Variants in HYDIN observed in about 807,000 individuals in gnomAD.
HYDIN encodes axonemal central pair apparatus protein HYDIN.
Under a neutral mutation model 403.9 loss-of-function variants are expected in HYDIN, and 132 were observed. The ratio of observed to expected loss-of-function variants is 0.33; its 90% CI spans 0.28 to 0.38. HYDIN has a LOEUF of 0.38. Among genes scored for constraint, HYDIN ranks in the 10% least tolerant of loss-of-function variants. The probability of loss-of-function intolerance (pLI) is 1.00; values close to 1 mark genes in which losing one functional copy is unlikely to be tolerated. For synonymous variants in HYDIN, 1,202 were observed against 1,891.7 expected (o/e 0.64, Z 9.46); for missense variants, 2,827 against 5,009.5 (o/e 0.56, Z 13.15).
In HYDIN at chr16:70,805,975, C is replaced by T. The variant is rs1164909864; in HGVS notation, c.*1605G>A. Among the ~76,000 whole-genome samples the T allele has an allele frequency of 6.6e-6, 1 of 152,200 alleles. No homozygotes were observed. The highest frequency in any genetic ancestry group is 1.5e-5 in the Non-Finnish European group (1 of 68,024). ...CTGCTCAGGATGTGAATCATCCCCT[C>T]GTCTAGCGTATGCATGCTGTAGACA... On this transcript the variant is annotated 3_prime_UTR_variant, in exon 86 of 86. Transcript: ENST00000393567.
chr16:70,944,432 T>C (rs2077785636), intron 41 of HYDIN, among the ~76,000 whole-genome samples: 2 of 152,166 alleles, frequency 1.3e-5, no homozygotes, highest in South Asian at 2.1e-4. Flanking sequence ...GGGGAAAGAC[T>C]ATGTAGAGAG....
chr16:71,000,130 G>C (rs944900426), intron 23 of HYDIN, among the ~76,000 whole-genome samples: 4 of 151,824 alleles, frequency 2.6e-5, no homozygotes, highest in African/African-American at 9.7e-5. Flanking sequence ...ATATGAACAT[G>C]TAGACCAACC....
intron 1 of HYDIN, among the ~76,000 whole-genome samples, chr16:71,221,264 A>G (rs565233837): frequency 4.6e-5 from 7 of 152,242 alleles, no homozygotes; most frequent in Non-Finnish European, 1.0e-4. Context: ...TAAAGAAAAA[A>G]AAAAAAACCC....
At chr16:71,112,917 A>G (rs1478519096) in intron 10 of HYDIN, among the ~76,000 whole-genome samples, 2 of 152,146 alleles carry the variant, frequency 1.3e-5, no homozygotes, top group Non-Finnish European at 2.9e-5. Context: ...AATAAACCTC[A>G]TAAGATAAAA....
At chr16:71,177,781 A>G (rs902399565) in intron 4 of HYDIN, among the ~76,000 whole-genome samples, 17 of 152,174 alleles carry the variant, frequency 1.1e-4, no homozygotes, top group Non-Finnish European at 1.2e-4. Flanking sequence ...TACTTTTCAC[A>G]CTCAAGTATG....
intron 45 of HYDIN, among the ~76,000 whole-genome samples, chr16:70,923,750 G>A (rs1383498260): frequency 2.7e-5 from 4 of 149,844 alleles, no homozygotes; most frequent in Non-Finnish European, 4.4e-5. Context: ...GAACCAGGGA[G>A]GCAGAGCTTG....
At chr16:71,055,015 G>A (rs1347443870) in intron 18 of HYDIN, among the ~76,000 whole-genome samples, 1 of 152,294 alleles carries the variant, frequency 6.6e-6, no homozygotes, top group Non-Finnish European at 1.5e-5. Flanking sequence ...GTCATTTTCT[G>A]TACTTCAGAA....
At chr16:71,225,447 C>T (rs1315393486) in intron 1 of HYDIN, among the ~76,000 whole-genome samples, 2 of 152,228 alleles carry the variant, frequency 1.3e-5, no homozygotes, top group Non-Finnish European at 2.9e-5. Context: ...TTGAGGACTG[C>T]TGCAGCACTC....
chr16:70,965,202 C>T (rs567112095), intron 36 of HYDIN, among the ~76,000 whole-genome samples: 1 of 152,180 alleles, frequency 6.6e-6, no homozygotes, highest in Non-Finnish European at 1.5e-5. Flanking sequence ...TTCCCCATGA[C>T]AAAATTTCAG....
intron 18 of HYDIN, among the ~76,000 whole-genome samples, chr16:71,050,119 G>A (rs936345102): frequency 6.9e-6 from 1 of 144,838 alleles, no homozygotes; most frequent in Non-Finnish European, 1.5e-5. Flanking sequence ...AGAGATAATG[G>A]CTGAGACATT....
chr16:71,193,478 G>T lies in HYDIN; in HGVS notation c.-23-6560C>A, dbSNP rs553440671. Among the ~76,000 whole-genome samples, 3 of 152,214 alleles carry T rather than the reference G, an allele frequency of 2.0e-5. No homozygotes were observed. The South Asian group carries it at 6.2e-4, about 32-fold the overall frequency. On this transcript the variant is annotated intron_variant, in intron 1 of 85. Transcript: ENST00000393567. ...AGGAGAACCAGACAGAATAGGGTTT[G>T]CCATTAAAGCTCTGTCTTTATAGAT...
rs12449210 is a variant in HYDIN, at chr16:71,230,620, T to C, written c.-82A>G. ...CTCCATTCCCCGCCAAGACCCCGCG[T>C]CCAACTCACAGACCCCGCCGCCGCT... On this transcript the variant is annotated 5_prime_UTR_variant, in exon 1 of 86. Coordinates refer to ENST00000393567, the MANE Select transcript of HYDIN (RefSeq NM_001270974.2). 7.2e-6 allele frequency: 11 copies of C among 1,535,612 alleles called. No homozygotes were observed. The African/African-American group carries it at 1.4e-4, about 19-fold the overall frequency.
chr16:70,927,034 G>C (rs902799014), intron 45 of HYDIN, among the ~76,000 whole-genome samples: 12 of 152,262 alleles, frequency 7.9e-5, no homozygotes, highest in Admixed American at 7.8e-4. Context: ...ATTTATGATT[G>C]GAATCCTAGA....
At chr16:71,175,067 C>T (rs1186505165) in intron 5 of HYDIN, among the ~76,000 whole-genome samples, 2 of 150,860 alleles carry the variant, frequency 1.3e-5, no homozygotes, top group South Asian at 2.1e-4. Flanking sequence ...CCACCATCTA[C>T]ACCACCATCA....
At chr16:71,039,968 T>G (rs1220219705) in intron 18 of HYDIN, among the ~76,000 whole-genome samples, 12 of 152,146 alleles carry the variant, frequency 7.9e-5, no homozygotes, top group African/African-American at 2.9e-4. Flanking sequence ...GAAACAGCAC[T>G]GTAACACACC....
At chr16:70,977,158 A>G (rs1488930422) in intron 30 of HYDIN, among the ~76,000 whole-genome samples, 3 of 149,294 alleles carry the variant, frequency 2.0e-5, no homozygotes, top group Admixed American at 1.3e-4. Flanking sequence ...GAGACACATC[A>G]TTGCGTCCAG....
intron 1 of HYDIN, among the ~76,000 whole-genome samples, chr16:71,206,058 T>C (rs892686088): frequency 6.6e-6 from 1 of 152,044 alleles, no homozygotes; most frequent in Admixed American, 6.6e-5. Flanking sequence ...ACCCAGACAG[T>C]AGGGCTGGCA....
intron 40 of HYDIN, among the ~76,000 whole-genome samples, chr16:70,954,468 A>AAGAAAAG (rs2078166990): frequency 6.7e-6 from 1 of 149,618 alleles, no homozygotes; most frequent in African/African-American, 2.5e-5. Flanking sequence ...AAAAAAAAAA[A>AAGAAAAG]AAAGAAAGAA....
intron 62 of HYDIN, among the ~76,000 whole-genome samples, chr16:70,875,531 C>T (rs2040392806): frequency 1.3e-5 from 2 of 151,860 alleles, no homozygotes; most frequent in African/African-American, 4.8e-5. Flanking sequence ...AATGCTGGCA[C>T]CATCATGAAA....
Sources: allele counts gnomAD v4.1 joint callset (sites outside exome capture counted in the v4.1 genomes callset), GRCh38; gene constraint gnomAD v4.1.1; transcripts MANE v1.5; gene names NCBI Gene and HGNC (gene_info 2026-07-23, HGNC 2026-07-21).